STAM2: variants seen among roughly 807,000 people sequenced by gnomAD.
The protein encoded by STAM2 is signal transducing adapter molecule 2.
A neutral mutation model predicts 65.6 loss-of-function variants in STAM2; 51 were observed. The observed-to-expected ratio is 0.78, with a 90% CI of 0.62 to 0.98. STAM2 has a LOEUF of 0.98. Among genes scored for constraint, STAM2 ranks in the 50% least tolerant of loss-of-function variants. The pLI, the probability that STAM2 is intolerant of heterozygous loss-of-function variation, is 0.00. For missense variants in STAM2, 584 were observed against 617.8 expected (o/e 0.95, Z 0.58); for synonymous variants, 198 against 208.4 (o/e 0.95, Z 0.43).
intron 1 of STAM2, among the ~76,000 whole-genome samples, chr2:152,159,233 GAGTTTAAAGCTGCAGTA>G (rs1689614025): frequency 2.0e-5 from 3 of 150,846 alleles, no homozygotes; most frequent in African/African-American, 7.4e-5. Context: ...TTGTGCCCAG[GAGTTTAAAGCTGCAGTA>G]AGCTATGATC....
At chr2:152,126,972 A>T (rs1317571977) in intron 11 of STAM2, among the ~76,000 whole-genome samples, 1 of 152,188 alleles carries the variant, frequency 6.6e-6, no homozygotes, top group Non-Finnish European at 1.5e-5. Flanking sequence ...ACTTCATTTC[A>T]GCCTCTGGTT....
chr2:152,128,980 T>C (rs143505452), intron 11 of STAM2, among the ~76,000 whole-genome samples: 55 of 152,372 alleles, frequency 3.6e-4, no homozygotes, highest in African/African-American at 1.2e-3. Flanking sequence ...TAAGAATTTG[T>C]TGAAGAACAG....
At chr2:152,160,214 T>A (rs938035789) in intron 1 of STAM2, among the ~76,000 whole-genome samples, 2 of 150,928 alleles carry the variant, frequency 1.3e-5, no homozygotes, top group African/African-American at 4.9e-5. Context: ...GAGGAGCCCC[T>A]CCGCCTGGCT....
Position 152,152,418 on chromosome 2 carries a change from A to G in STAM2, c.41-2189T>C, listed in dbSNP as rs889006955. On this transcript the variant is annotated intron_variant, in intron 1 of 13. Transcript: ENST00000263904. ...CAAAAAATTACCCGGGTGTGGTGGCAGGCGCCTGTAGTCCCAGCTACTCGG... is the reference window on the plus strand; with the variant it reads ...CAAAAAATTACCCGGGTGTGGTGGCGGGCGCCTGTAGTCCCAGCTACTCGG... Among the ~76,000 whole-genome samples, 5 of 152,106 alleles carry G rather than the reference A, an allele frequency of 3.3e-5. No individual in the cohort carries two copies. The East Asian group carries it at 5.8e-4, about 18-fold the overall frequency.
chr2:152,175,708 T>A lies in STAM2; in HGVS notation c.-66A>T. On this transcript the variant is annotated 5_prime_UTR_variant, in exon 1 of 14. Transcript: ENST00000263904. ...CACTCAGCAACTGCTACCCGCCGGG[T>A]GACCCGCGGCCGCGGCTCCCTAGAC... 6.4e-7 allele frequency: 1 copy of A among 1,553,856 alleles called. No individual in the cohort carries two copies. The highest frequency in any genetic ancestry group is 8.7e-7 in the Non-Finnish European group (1 of 1,145,788).
In STAM2 at chr2:152,126,319, G is replaced by A. The variant is rs1688963477; in HGVS notation, c.1086C>T (p.Asn362=). The change falls in exon 12 of 14, where the codon AAC becomes AAT. Residue 362 remains asparagine (N), a synonymous_variant. Coordinates refer to ENST00000263904, the MANE Select transcript of STAM2 (RefSeq NM_005843.6). ...VKVLEALELY[N]KLVNEAPVYS... ...ACACTGGTGCTTCATTCACCAATTT[G>A]TTATATAGTTCCAGAGCTTCCAGGA... 1 of 1,605,038 alleles carries A rather than the reference G, an allele frequency of 6.2e-7. No individual in the cohort carries two copies. Among genetic ancestry groups the A allele is most frequent in the Non-Finnish European group, 8.5e-7 (1 of 1,175,580 alleles).
At chr2:152,158,955 T>A (rs1374912906) in intron 1 of STAM2, among the ~76,000 whole-genome samples, 1 of 151,556 alleles carries the variant, frequency 6.6e-6, no homozygotes, top group African/African-American at 2.4e-5. Flanking sequence ...TCGTAAATTT[T>A]GGGGGATACA....
chr2:152,152,054 C>T (rs1689455831), intron 1 of STAM2, among the ~76,000 whole-genome samples: 1 of 152,126 alleles, frequency 6.6e-6, no homozygotes, highest in Non-Finnish European at 1.5e-5. Flanking sequence ...GATCCTCCCA[C>T]CTCAGCTTCC....
At chr2:152,162,272 A>C (rs1348409988) in intron 1 of STAM2, among the ~76,000 whole-genome samples, 1 of 152,156 alleles carries the variant, frequency 6.6e-6, no homozygotes, top group Non-Finnish European at 1.5e-5. Context: ...AATCAAATGA[A>C]GGATCCCCAT....
At chr2:152,170,590 T>C (rs1248955029) in intron 1 of STAM2, among the ~76,000 whole-genome samples, 1 of 152,216 alleles carries the variant, frequency 6.6e-6, no homozygotes. Flanking sequence ...CAAAGTCATG[T>C]TCGTCAATAG....
chr2:152,117,136 A>G lies in STAM2; in HGVS notation c.*3438T>C, dbSNP rs1351658642. Reference sequence around the variant, plus strand: ...GACACAGTAAGATTTTAAAAAAAAGACTCTCAAACTTTAATTCAGCTTGAT... The same window carrying G: ...GACACAGTAAGATTTTAAAAAAAAGGCTCTCAAACTTTAATTCAGCTTGAT... On this transcript the variant is annotated 3_prime_UTR_variant, in exon 14 of 14. Coordinates refer to ENST00000263904, the MANE Select transcript of STAM2 (RefSeq NM_005843.6). 1.3e-5 allele frequency: 2 copies of G among 152,068 alleles called. No homozygotes were observed. The highest frequency in any genetic ancestry group is 1.9e-4 in the East Asian group (1 of 5,186). 9.4% of individuals were successfully genotyped at this position (152,068 alleles called of 1,614,324 possible).
chr2:152,147,078 A>G, intron 5 of STAM2, 84 bp downstream of exon 5: 4 of 1,287,896 alleles, frequency 3.1e-6, no homozygotes, highest in Non-Finnish European at 4.2e-6. Context: ...ATGATAATCT[A>G]GACATACCTT....
intron 1 of STAM2, among the ~76,000 whole-genome samples, chr2:152,162,581 A>G (rs1285746770): frequency 6.6e-6 from 1 of 152,206 alleles, no homozygotes; most frequent in East Asian, 1.9e-4. Context: ...AACTTTGCAT[A>G]TAAAATAAAT....
chr2:152,142,731 T>C (rs1324610406), intron 7 of STAM2, among the ~76,000 whole-genome samples: 1 of 152,236 alleles, frequency 6.6e-6, no homozygotes, highest in Non-Finnish European at 1.5e-5. Flanking sequence ...TATTTCTATC[T>C]ATTCTCCTTC....
chr2:152,170,477 C>T (rs994493073), intron 1 of STAM2, among the ~76,000 whole-genome samples: 4 of 127,430 alleles, frequency 3.1e-5, no homozygotes, highest in African/African-American at 9.1e-5. Flanking sequence ...GGCAAGACTC[C>T]GTCTCAAAAA....
intron 7 of STAM2, among the ~76,000 whole-genome samples, chr2:152,138,379 T>A (rs1486332996): frequency 2.0e-5 from 3 of 152,298 alleles, no homozygotes; most frequent in East Asian, 1.9e-4. Flanking sequence ...GACTTTTTTT[T>A]ACTACATTTT....
At chr2:152,147,940 C>G in intron 4 of STAM2, 84 bp downstream of exon 4, 2 of 999,084 alleles carry the variant, frequency 2.0e-6, no homozygotes, top group Non-Finnish European at 3.0e-6. Flanking sequence ...ATTTATAATA[C>G]TTTAGTAATG....
chr2:152,127,765 T>C (rs906900591), intron 11 of STAM2, among the ~76,000 whole-genome samples: 2 of 152,202 alleles, frequency 1.3e-5, no homozygotes, highest in Non-Finnish European at 2.9e-5. Flanking sequence ...ATCTTCAAAT[T>C]TGCCCAAGAA....
rs1001284705 is a variant in STAM2 at position 152,117,066 on chromosome 2, G to C, written c.*3508C>G. On this transcript the variant is annotated 3_prime_UTR_variant, in exon 14 of 14. Transcript: ENST00000263904. The stretch of plus-strand genomic sequence containing the variant: ...ATTCCAGGTGTACATGAAATTTGGA[G>C]GGACACTATTCACTATATCACACAA... 9 of 152,114 alleles carry C rather than the reference G, an allele frequency of 5.9e-5. No individual in the cohort carries two copies. Among genetic ancestry groups the C allele is most frequent in the Non-Finnish European group, 1.2e-4 (8 of 68,034 alleles). 9.4% of individuals were successfully genotyped at this position (152,114 alleles called of 1,614,324 possible). A position where few individuals can be genotyped will look rare whatever the true frequency, so the allele number is the denominator to read the frequency against.
Sources: allele counts gnomAD v4.1 joint callset (sites outside exome capture counted in the v4.1 genomes callset), GRCh38; gene constraint gnomAD v4.1.1; transcripts MANE v1.5; gene names NCBI Gene and HGNC (gene_info 2026-07-23, HGNC 2026-07-21).